DLGAP2: variants seen among roughly 807,000 people sequenced by gnomAD.
The protein encoded by DLGAP2 is DLG associated protein 2, also known as disks large-associated protein 2.
DLGAP2 carries 26 observed loss-of-function variants against 100.3 expected under a neutral mutation model. That is an observed-to-expected ratio of 0.26 (90% CI 0.19 to 0.36). The LOEUF is 0.36. Among genes scored for constraint, DLGAP2 ranks in the 10% least tolerant of loss-of-function variants. The pLI is 1.00. For synonymous variants in DLGAP2, 886 were observed against 630.1 expected (o/e 1.41, Z -6.08); for missense variants, 1,858 against 1,453.2 (o/e 1.28, Z -4.53).
At chr8:1,670,667 A>G (rs1404926356) in intron 10 of DLGAP2, among the ~76,000 whole-genome samples, 2 of 152,212 alleles carry the variant, frequency 1.3e-5, no homozygotes, top group African/African-American at 4.8e-5. Context: ...TGGATGACGA[A>G]GTCACCTTTC....
At position 1,664,580 on chromosome 8, in the gene DLGAP2, G is replaced by A. The variant is rs75463849; in HGVS notation, c.1811-3749G>A. ...TGAAGCTTGCCAGGCACTTTACGTC[G>A]GTGCCCAACGTGGAAGAAAGCCCAG... On this transcript the variant is annotated intron_variant, in intron 8 of 14. Coordinates refer to ENST00000637795, the MANE Select transcript of DLGAP2 (RefSeq NM_001346810.2). 3.8e-3 allele frequency among the ~76,000 whole-genome samples: 571 copies of A among 152,210 alleles called. 2 individuals carry two copies. Among genetic ancestry groups the A allele is most frequent in the African/African-American group, 0.012 (489 of 41,516 alleles).
intron 6 of DLGAP2, among the ~76,000 whole-genome samples, chr8:1,610,958 G>T (rs1469490766): frequency 1.9e-5 from 2 of 105,588 alleles, no homozygotes; most frequent in African/African-American, 8.8e-5. Context: ...TCTACCAGAG[G>T]TACAAGGAGG....
At chr8:1,615,966 CT>C (rs1234897369) in intron 6 of DLGAP2, among the ~76,000 whole-genome samples, 4 of 152,028 alleles carry the variant, frequency 2.6e-5, no homozygotes, top group Non-Finnish European at 5.9e-5. Flanking sequence ...GTTGTAAGGT[CT>C]TATGAATGAT....
intron 2 of DLGAP2, among the ~76,000 whole-genome samples, chr8:1,081,981 C>G (rs1803826885): frequency 6.6e-6 from 1 of 152,096 alleles, no homozygotes; most frequent in African/African-American, 2.4e-5. Flanking sequence ...GGGGAGATCT[C>G]CAAGAAAAGA....
At chr8:1,537,968 C>G (rs1335835183) in intron 4 of DLGAP2, among the ~76,000 whole-genome samples, 10 of 152,144 alleles carry the variant, frequency 6.6e-5, no homozygotes, top group Admixed American at 6.5e-4. Context: ...GGAGGTGAAT[C>G]AGAGGAAGAT....
At chr8:1,604,399 G>C (rs1318787448) in intron 6 of DLGAP2, among the ~76,000 whole-genome samples, 1 of 152,154 alleles carries the variant, frequency 6.6e-6, no homozygotes, top group Non-Finnish European at 1.5e-5. Context: ...ATAGATCCAT[G>C]TTTCTCAAAG....
intron 2 of DLGAP2, among the ~76,000 whole-genome samples, chr8:1,138,446 C>T (rs1007171097): frequency 2.2e-4 from 33 of 152,250 alleles, no homozygotes; most frequent in South Asian, 8.3e-4. Context: ...TGATCTGCCT[C>T]ACTCGTGGCC....
At chr8:1,122,291 T>C (rs996582179) in intron 2 of DLGAP2, among the ~76,000 whole-genome samples, 10 of 152,186 alleles carry the variant, frequency 6.6e-5, no homozygotes, top group African/African-American at 2.4e-4. Context: ...GCACAGGTTT[T>C]GCCAGTTGGA....
At chr8:760,071 T>G (rs1821041929) in intron 1 of DLGAP2, among the ~76,000 whole-genome samples, 2 of 152,228 alleles carry the variant, frequency 1.3e-5, no homozygotes, top group African/African-American at 4.8e-5. Flanking sequence ...GTGTCCACCT[T>G]ATGCTGACAT....
intron 2 of DLGAP2, among the ~76,000 whole-genome samples, chr8:1,203,539 A>C (rs1028793446): frequency 1.3e-5 from 2 of 152,204 alleles, no homozygotes; most frequent in Non-Finnish European, 2.9e-5. Context: ...TCTGTGGAAC[A>C]GATGCTAAAG....
At chr8:1,254,365 G>A (rs1370680101) in intron 2 of DLGAP2, among the ~76,000 whole-genome samples, 3 of 152,128 alleles carry the variant, frequency 2.0e-5, no homozygotes, top group Admixed American at 6.5e-5. Context: ...GGATCCCACA[G>A]TTCCTGACAT....
chr8:1,242,933 G>A (rs1170473982), intron 2 of DLGAP2, among the ~76,000 whole-genome samples: 2 of 67,788 alleles, frequency 3.0e-5, no homozygotes, highest in Non-Finnish European at 6.4e-5. Flanking sequence ...GACAGTGGAT[G>A]GATTGATAGA....
At chr8:1,389,691 G>A (rs1243828320) in intron 3 of DLGAP2, among the ~76,000 whole-genome samples, 2 of 152,106 alleles carry the variant, frequency 1.3e-5, no homozygotes, top group Admixed American at 6.5e-5. Context: ...AGCACTGCCT[G>A]TCCATGAGAA....
chr8:1,286,065 G>T (rs939984871), intron 3 of DLGAP2, among the ~76,000 whole-genome samples: 2 of 152,338 alleles, frequency 1.3e-5, no homozygotes, highest in South Asian at 2.1e-4. Flanking sequence ...CTCACCTTGA[G>T]TTGTAGTAAT....
chr8:1,695,880 C>G (rs371247594), intron 13 of DLGAP2, among the ~76,000 whole-genome samples: 1 of 152,242 alleles, frequency 6.6e-6, no homozygotes. Flanking sequence ...AGGCTGAGTT[C>G]GGGCTCCCAG....
chr8:1,117,215 A>G (rs1457997643), intron 2 of DLGAP2, among the ~76,000 whole-genome samples: 1 of 152,184 alleles, frequency 6.6e-6, no homozygotes, highest in East Asian at 1.9e-4. Context: ...GCCTGTGGAC[A>G]AAGCACAGTG....
intron 3 of DLGAP2, among the ~76,000 whole-genome samples, chr8:1,292,061 G>C (rs894176926): frequency 3.3e-5 from 5 of 152,232 alleles, no homozygotes. Flanking sequence ...AGATTCAGTA[G>C]AATGTTCCAA....
In DLGAP2 at chr8:950,013, C is replaced by T. The variant is rs964666222; in HGVS notation, c.73+42047C>T. ...CACACAAAGAGACACTCGGACAAAT[C>T]GCTGCAATGTGTCCCGTCTTGCTTC... On this transcript the variant is annotated intron_variant, in intron 2 of 14. Coordinates refer to ENST00000637795, the MANE Select transcript of DLGAP2 (RefSeq NM_001346810.2). Among the ~76,000 whole-genome samples the T allele has an allele frequency of 2.6e-5, 4 of 152,216 alleles. No homozygotes were observed. In the South Asian group the frequency reaches 6.2e-4, roughly 24 times the overall value.
At chr8:938,743 A>C (rs1244481757) in intron 2 of DLGAP2, among the ~76,000 whole-genome samples, 2 of 152,140 alleles carry the variant, frequency 1.3e-5, no homozygotes, top group Non-Finnish European at 2.9e-5. Flanking sequence ...TGGTGTGGGC[A>C]CGGCCAGCCA....
Sources: gnomAD v4.1 joint callset for allele counts (sites outside exome capture counted in the v4.1 genomes callset) on GRCh38, gnomAD v4.1.1 for gene constraint, MANE v1.5 for transcripts, NCBI Gene and HGNC (gene_info 2026-07-23, HGNC 2026-07-21) for gene names.